Variants in PDE4B observed in about 807,000 individuals in gnomAD.
PDE4B encodes phosphodiesterase 4B, also known as 3',5'-cyclic-AMP phosphodiesterase 4B.
PDE4B carries 20 observed loss-of-function variants against 82.2 expected under a neutral mutation model. The ratio of observed to expected loss-of-function variants is 0.24; its 90% confidence interval spans 0.17 to 0.35. PDE4B has a LOEUF of 0.35. Among genes scored for constraint, PDE4B ranks in the 10% least tolerant of loss-of-function variants. The probability of loss-of-function intolerance (pLI) is 1.00; values close to 1 mark genes in which losing one functional copy is unlikely to be tolerated. For missense variants in PDE4B, 655 were observed against 907.2 expected, an observed-to-expected ratio of 0.72 and a Z score of 3.57; for synonymous variants, 320 against 318.9, an observed-to-expected ratio of 1.00 and a Z score of -0.04.
intron 7 of PDE4B, among the ~76,000 whole-genome samples, chr1:66,323,967 A>G (rs1041911354): frequency 5.9e-5 from 9 of 152,212 alleles, no homozygotes; most frequent in African/African-American, 2.2e-4. Context: ...ATACAGGTAG[A>G]TAATTAAGTT....
At chr1:66,043,155 A>G (rs906302284) in intron 3 of PDE4B, among the ~76,000 whole-genome samples, 1 of 151,806 alleles carries the variant, frequency 6.6e-6, no homozygotes, top group African/African-American at 2.4e-5. Flanking sequence ...GAATAAAAAG[A>G]TGAGTAAGTT....
intron 7 of PDE4B, among the ~76,000 whole-genome samples, chr1:66,277,858 G>T (rs1372749831): frequency 6.6e-6 from 1 of 152,186 alleles, no homozygotes; most frequent in Non-Finnish European, 1.5e-5. Context: ...AAGACTGCCT[G>T]CACTTAGTTC....
At position 66,334,612 on chromosome 1, in the gene PDE4B, C is replaced by A. The variant is rs551566359; in HGVS notation, c.747+1992C>A. Among the ~76,000 whole-genome samples, 140 of 152,268 alleles carry A rather than the reference C, an allele frequency of 9.2e-4. 1 individual carries two copies. The highest frequency in any genetic ancestry group is 3.2e-3 in the African/African-American group (132 of 41,552). On this transcript the variant is annotated intron_variant, in intron 8 of 16. Coordinates refer to ENST00000341517, the MANE Select transcript of PDE4B (RefSeq NM_002600.4). ...GTTAGCTTAAGTAAAAAGCATGCAG[C>A]CTCAGTCATTTTCTAGTTCTACAGT...
chr1:65,848,759 A>T lies in PDE4B; in HGVS notation c.-71+55511A>T, dbSNP rs561442698. On this transcript the variant is annotated intron_variant, in intron 1 of 16. Transcript: ENST00000341517. ...GCTGACAATATGTTATTGCGTTGAT[A>T]TATGACAAATCATTCATCCATTTAC... Among the ~76,000 whole-genome samples the T allele has an allele frequency of 1.4e-4, 21 of 152,286 alleles. 1 individual carries two copies. Among genetic ancestry groups the T allele is most frequent in the Middle Eastern group, 3.4e-3 (1 of 294 alleles).
chr1:66,302,250 A>T (rs546030339), intron 7 of PDE4B, among the ~76,000 whole-genome samples: 49 of 152,288 alleles, frequency 3.2e-4, no homozygotes, highest in African/African-American at 1.2e-3. Flanking sequence ...TAGCTGCGTG[A>T]CATTCCCAAG....
chr1:66,300,271 C>G (rs746157555), intron 7 of PDE4B, among the ~76,000 whole-genome samples: 1 of 152,106 alleles, frequency 6.6e-6, no homozygotes, highest in Non-Finnish European at 1.5e-5. Flanking sequence ...TGAATATTAG[C>G]GATTTAATTC....
rs570902116 is a variant in PDE4B, at chr1:65,848,200, G to A, written c.-71+54952G>A. ...TGTCACCAGGATGATGTGCAGTGGCGTGATCTTGGCTCACTGCAACCTCCA... is the reference window on the plus strand; with the variant it reads ...TGTCACCAGGATGATGTGCAGTGGCATGATCTTGGCTCACTGCAACCTCCA... On this transcript the variant is annotated intron_variant, in intron 1 of 16. Transcript: ENST00000341517. Among the ~76,000 whole-genome samples, 141 of 151,774 alleles carry A rather than the reference G, an allele frequency of 9.3e-4. 2 individuals are homozygous for A. The highest frequency in any genetic ancestry group is 1.8e-3 in the Non-Finnish European group (119 of 67,946).
intron 7 of PDE4B, among the ~76,000 whole-genome samples, chr1:66,286,411 G>A (rs1473255601): frequency 2.6e-5 from 4 of 152,108 alleles, no homozygotes; most frequent in Non-Finnish European, 5.9e-5. Context: ...GCAGATGCAG[G>A]ACTAGGTGAT....
At chr1:66,252,544 A>G (rs1043962140) in intron 4 of PDE4B, among the ~76,000 whole-genome samples, 1 of 152,238 alleles carries the variant, frequency 6.6e-6, no homozygotes, top group East Asian at 1.9e-4. Context: ...AAAGTGTTCG[A>G]TATCTCATGT....
At chr1:65,920,722 G>T (rs1031024084) in intron 3 of PDE4B, among the ~76,000 whole-genome samples, 1 of 151,988 alleles carries the variant, frequency 6.6e-6, no homozygotes, top group African/African-American at 2.4e-5. Context: ...AATATTTTCT[G>T]GAAATTAGAA....
intron 3 of PDE4B, among the ~76,000 whole-genome samples, chr1:66,030,582 A>G (rs931143457): frequency 6.6e-6 from 1 of 152,086 alleles, no homozygotes; most frequent in Non-Finnish European, 1.5e-5. Flanking sequence ...TCCTTATTCA[A>G]TCTACTATTT....
intron 3 of PDE4B, among the ~76,000 whole-genome samples, chr1:66,169,077 C>T (rs1407225364): frequency 2.0e-5 from 3 of 152,222 alleles, no homozygotes; most frequent in Non-Finnish European, 4.4e-5. Context: ...CATGCCTTCT[C>T]ATTTGATTGC....
intron 1 of PDE4B, among the ~76,000 whole-genome samples, chr1:65,869,421 G>T (rs1410311943): frequency 6.6e-6 from 1 of 152,174 alleles, no homozygotes; most frequent in Non-Finnish European, 1.5e-5. Flanking sequence ...TAATATTGTT[G>T]TAGCATTTCC....
At position 66,372,895 on chromosome 1, in the gene PDE4B, G is replaced by A. The variant is rs1213252652; in HGVS notation, c.*217G>A. ...CCTTGATGGCAAGCTTGGTGGAGAGGGCTGAAGCTGTTGCTGGGGGCCGAT... is the reference window on the plus strand; with the variant it reads ...CCTTGATGGCAAGCTTGGTGGAGAGAGCTGAAGCTGTTGCTGGGGGCCGAT... On this transcript the variant is annotated 3_prime_UTR_variant, in exon 17 of 17. Transcript: ENST00000341517. 3 of 527,694 alleles carry A rather than the reference G, an allele frequency of 5.7e-6. No homozygotes were observed. Among genetic ancestry groups the A allele is most frequent in the African/African-American group, 3.8e-5 (2 of 52,908 alleles). The allele number at this position is 527,694 out of a possible 1,614,324, so 32.7% of individuals were successfully genotyped here.
chr1:65,842,437 T>A (rs1646218038), intron 1 of PDE4B, among the ~76,000 whole-genome samples: 1 of 152,116 alleles, frequency 6.6e-6, no homozygotes, highest in Non-Finnish European at 1.5e-5. Context: ...TAATAAAACA[T>A]GCAAACAACT....
At position 65,876,427 on chromosome 1, in the gene PDE4B, AC is replaced by A. The variant is rs761340049; in HGVS notation, c.-70-36817del. Among the ~76,000 whole-genome samples, 47 of 152,258 alleles carry A rather than the reference AC, an allele frequency of 3.1e-4. 1 individual carries two copies. Among genetic ancestry groups the A allele is most frequent in the Non-Finnish European group, 5.4e-4 (37 of 67,994 alleles). ...AAATAGTTAAAACAAATATATATAT[AC>A]ATATTACATGTACATACATACATAT... is the stretch of plus-strand genomic sequence containing the variant. On this transcript the variant is annotated intron_variant, in intron 1 of 16. Coordinates refer to ENST00000341517, the MANE Select transcript of PDE4B (RefSeq NM_002600.4).
In PDE4B at chr1:65,799,691, G is replaced by A. The variant is rs372777977; in HGVS notation, c.-71+6443G>A. Among the ~76,000 whole-genome samples the A allele has an allele frequency of 5.9e-5, 9 of 152,218 alleles. No homozygotes were observed. The South Asian group carries it at 1.5e-3, about 25-fold the overall frequency. Reference sequence around the variant, plus strand: ...GCCTGTGGATGGTGACAGTTGTCCTGGGCATGCTACATTGGTATACTGCAG... The same window carrying A: ...GCCTGTGGATGGTGACAGTTGTCCTAGGCATGCTACATTGGTATACTGCAG... On this transcript the variant is annotated intron_variant, in intron 1 of 16. Transcript: ENST00000341517.
At chr1:66,095,483 G>A (rs971785349) in intron 3 of PDE4B, among the ~76,000 whole-genome samples, 3 of 151,814 alleles carry the variant, frequency 2.0e-5, no homozygotes, top group Non-Finnish European at 4.4e-5. Context: ...TACAAATCAG[G>A]TTCCCTGATT....
At chr1:65,908,883 TAAG>T (rs1647056265) in intron 1 of PDE4B, among the ~76,000 whole-genome samples, 5 of 152,156 alleles carry the variant, frequency 3.3e-5, no homozygotes, top group Admixed American at 2.6e-4. Flanking sequence ...CTTAGTTAAG[TAAG>T]AAGACTTTTC....
Sources: allele counts gnomAD v4.1 joint callset (sites outside exome capture counted in the v4.1 genomes callset), GRCh38; gene constraint gnomAD v4.1.1; transcripts MANE v1.5; gene names NCBI Gene and HGNC (gene_info 2026-07-23, HGNC 2026-07-21).